Variants in PCDH9 observed in about 807,000 individuals in gnomAD.
The protein encoded by PCDH9 is protocadherin 9.
Under a neutral mutation model 70.6 loss-of-function variants are expected in PCDH9, and 24 were observed. That is an observed-to-expected ratio of 0.34 (90% CI 0.25 to 0.48). PCDH9 has a LOEUF of 0.48. PCDH9 is among the 20% of genes least tolerant of loss of function. The pLI is 0.99. For synonymous variants in PCDH9, 562 were observed against 558.5 expected (o/e 1.01, Z -0.09); for missense variants, 1,281 against 1,503.6 (o/e 0.85, Z 2.45).
chr13:66,340,504 C>G (rs1349981971), intron 4 of PCDH9, among the ~76,000 whole-genome samples: 1 of 152,160 alleles, frequency 6.6e-6, no homozygotes, highest in Non-Finnish European at 1.5e-5. Context: ...CACATTTCAG[C>G]TATGCCCATA....
intron 3 of PCDH9, among the ~76,000 whole-genome samples, chr13:66,860,806 GTC>G (rs1491001203): frequency 6.6e-6 from 1 of 152,192 alleles, no homozygotes; most frequent in Non-Finnish European, 1.5e-5. Context: ...AGCAGCAGCA[GTC>G]TCTCTGAAAG....
intron 2 of PCDH9, among the ~76,000 whole-genome samples, chr13:67,091,872 AT>A (rs2086225436): frequency 6.6e-6 from 1 of 152,136 alleles, no homozygotes; most frequent in Non-Finnish European, 1.5e-5. Flanking sequence ...ATGTACTTTT[AT>A]CCCCAGTGAA....
At chr13:66,513,198 T>TTG (rs1555301636) in intron 4 of PCDH9, among the ~76,000 whole-genome samples, 5 of 151,096 alleles carry the variant, frequency 3.3e-5, no homozygotes, top group African/African-American at 1.2e-4. Flanking sequence ...ACACGTGTTT[T>TTG]TTTTTTTTTT....
intron 4 of PCDH9, among the ~76,000 whole-genome samples, chr13:66,371,771 T>A (rs1052544271): frequency 6.6e-6 from 1 of 152,052 alleles, no homozygotes; most frequent in African/African-American, 2.4e-5. Context: ...AATGAAACAC[T>A]ACTTTTGATA....
chr13:66,654,557 A>G (rs771719454), intron 3 of PCDH9, among the ~76,000 whole-genome samples: 1 of 152,194 alleles, frequency 6.6e-6, no homozygotes, highest in Non-Finnish European at 1.5e-5. Flanking sequence ...AGCATTGTAT[A>G]CCTGTATCAA....
intron 3 of PCDH9, among the ~76,000 whole-genome samples, chr13:66,853,094 T>C (rs115562045): frequency 0.03 from 4,537 of 151,776 alleles, 235 homozygotes; most frequent in African/African-American, 0.1. Context: ...AAATTATAAT[T>C]TTAAAATCTG....
intron 2 of PCDH9, among the ~76,000 whole-genome samples, chr13:67,112,254 T>C (rs867805333): frequency 2.9e-4 from 44 of 152,228 alleles, no homozygotes; most frequent in Non-Finnish European, 1.0e-4. Flanking sequence ...ATTTACTCTC[T>C]GCTAGGCAGG....
chr13:66,562,380 T>C (rs1593682836), intron 4 of PCDH9, among the ~76,000 whole-genome samples: 1 of 152,080 alleles, frequency 6.6e-6, no homozygotes, highest in Admixed American at 6.5e-5. Flanking sequence ...TAAATGCCTG[T>C]ATTAGTCTGT....
At chr13:66,625,349 T>C (rs985386549) in intron 4 of PCDH9, among the ~76,000 whole-genome samples, 1 of 152,170 alleles carries the variant, frequency 6.6e-6, no homozygotes, top group African/African-American at 2.4e-5. Context: ...AAGTTGATAT[T>C]CAAATCAAAT....
intron 4 of PCDH9, among the ~76,000 whole-genome samples, chr13:66,558,689 G>A (rs944491646): frequency 6.6e-6 from 1 of 151,920 alleles, no homozygotes; most frequent in African/African-American, 2.4e-5. Flanking sequence ...AGAGAGGGCA[G>A]GCGCTAACTG....
chr13:66,595,557 C>T (rs2077092956), intron 4 of PCDH9, among the ~76,000 whole-genome samples: 1 of 151,596 alleles, frequency 6.6e-6, no homozygotes, highest in South Asian at 2.1e-4. Context: ...AAGGCTTATT[C>T]AATTATATGT....
At chr13:66,514,489 CA>C (rs57990200) in intron 4 of PCDH9, among the ~76,000 whole-genome samples, 11,913 of 132,696 alleles carry the variant, frequency 0.09, 1,493 homozygotes, top group African/African-American at 0.29. Context: ...GGAGTGAATT[CA>C]AAAAAAAAAA....
chr13:66,334,567 G>T (rs1956002285), intron 4 of PCDH9, among the ~76,000 whole-genome samples: 1 of 151,898 alleles, frequency 6.6e-6, no homozygotes, highest in Non-Finnish European at 1.5e-5. Flanking sequence ...GTTTGGACTT[G>T]CCAGCCTCCA....
chr13:66,399,285 C>T (rs1444144704), intron 4 of PCDH9, among the ~76,000 whole-genome samples: 1 of 152,032 alleles, frequency 6.6e-6, no homozygotes, highest in Admixed American at 6.6e-5. Context: ...TATAGGTTCA[C>T]CTAGGGTGGG....
intron 3 of PCDH9, among the ~76,000 whole-genome samples, chr13:66,766,648 G>C (rs751352574): frequency 1.3e-5 from 2 of 151,826 alleles, no homozygotes; most frequent in Non-Finnish European, 2.9e-5. Context: ...AAGGGAAAGG[G>C]GAAAGGGAAG....
chr13:66,429,520 T>C (rs1333562477), intron 4 of PCDH9, among the ~76,000 whole-genome samples: 2 of 150,826 alleles, frequency 1.3e-5, no homozygotes, highest in African/African-American at 4.9e-5. Context: ...CCAGAATAAA[T>C]ATGTTAGGAA....
At chr13:66,542,047 G>C (rs1960978746) in intron 4 of PCDH9, among the ~76,000 whole-genome samples, 1 of 152,066 alleles carries the variant, frequency 6.6e-6, no homozygotes, top group Non-Finnish European at 1.5e-5. Flanking sequence ...AATGAGTTAA[G>C]GAAAAGCCTT....
intron 4 of PCDH9, among the ~76,000 whole-genome samples, chr13:66,337,598 AAAAC>A (rs71106965): frequency 0.011 from 1,622 of 151,248 alleles, 30 homozygotes; most frequent in African/African-American, 0.037. Flanking sequence ...GGTACTTGTT[AAAAC>A]AAACAAACAA....
At chr13:66,627,746 G>T (rs556359111) in intron 4 of PCDH9, among the ~76,000 whole-genome samples, 30 of 152,258 alleles carry the variant, frequency 2.0e-4, no homozygotes, top group African/African-American at 7.2e-4. Context: ...GGCTGCCCAA[G>T]GTTGTGCTGT....
Sources: allele counts gnomAD v4.1 joint callset (sites outside exome capture counted in the v4.1 genomes callset), GRCh38; gene constraint gnomAD v4.1.1; transcripts MANE v1.5; gene names NCBI Gene and HGNC (gene_info 2026-07-23, HGNC 2026-07-21).